Variants in SMAP1 observed in about 807,000 individuals in gnomAD.
SMAP1 encodes small ArfGAP 1, also known as stromal membrane-associated protein 1.
In SMAP1, 24 loss-of-function variants were observed where a neutral mutation model predicts 58.5. The observed-to-expected ratio is 0.41, with a 90% CI of 0.30 to 0.58. SMAP1 has a LOEUF of 0.58. SMAP1 is among the 20% of genes least tolerant of loss of function. The pLI is 0.29. For missense variants in SMAP1, 563 were observed against 566.3 expected (o/e 0.99, Z 0.06); for synonymous variants, 216 against 196.6 (o/e 1.10, Z -0.82).
chr6:70,727,223 C>T (rs1768831752), intron 1 of SMAP1, among the ~76,000 whole-genome samples: 1 of 152,106 alleles, frequency 6.6e-6, no homozygotes, highest in African/African-American at 2.4e-5. Context: ...ATTCTCACAC[C>T]TCAGCCTCCT....
intron 6 of SMAP1, among the ~76,000 whole-genome samples, chr6:70,813,644 A>AT (rs1769485406): frequency 6.6e-6 from 1 of 152,108 alleles, no homozygotes; most frequent in Non-Finnish European, 1.5e-5. Context: ...AGAAGGACGT[A>AT]TATATTGAGC....
At chr6:70,840,665 G>C (rs911654934) in intron 7 of SMAP1, among the ~76,000 whole-genome samples, 10 of 152,194 alleles carry the variant, frequency 6.6e-5, no homozygotes, top group Non-Finnish European at 1.3e-4. Context: ...GTACCTACAA[G>C]AGCTGCCTCA....
chr6:70,748,414 T>C (rs556916654), intron 2 of SMAP1, among the ~76,000 whole-genome samples: 2 of 152,186 alleles, frequency 1.3e-5, no homozygotes, highest in African/African-American at 4.8e-5. Context: ...TAAGAAAGTT[T>C]TAATCATCAG....
At chr6:70,759,556 A>G (rs536546938) in intron 3 of SMAP1, among the ~76,000 whole-genome samples, 1 of 152,206 alleles carries the variant, frequency 6.6e-6, no homozygotes, top group Admixed American at 6.6e-5. Flanking sequence ...TGAGGGCAGG[A>G]CAGTATATAT....
intron 4 of SMAP1, among the ~76,000 whole-genome samples, chr6:70,782,876 A>T (rs1447481691): frequency 6.6e-6 from 1 of 152,212 alleles, no homozygotes; most frequent in African/African-American, 2.4e-5. Context: ...TACAGCTCCC[A>T]GCCTGAGTGA....
intron 1 of SMAP1, among the ~76,000 whole-genome samples, chr6:70,718,555 C>G (rs1015851956): frequency 5.3e-5 from 8 of 152,100 alleles, no homozygotes; most frequent in African/African-American, 1.9e-4. Flanking sequence ...AGCATGGTGG[C>G]TCATACCTAT....
chr6:70,726,059 A>AAAT (rs1768771180), intron 1 of SMAP1, among the ~76,000 whole-genome samples: 2 of 152,304 alleles, frequency 1.3e-5, no homozygotes, highest in South Asian at 4.1e-4. Flanking sequence ...TGCCTCTGTC[A>AAAT]TGGTCTCAGC....
At chr6:70,824,383 G>C (rs1453030872) in intron 6 of SMAP1, among the ~76,000 whole-genome samples, 1 of 152,060 alleles carries the variant, frequency 6.6e-6, no homozygotes. Flanking sequence ...TGTGGGCCCA[G>C]TGCAAAATGA....
chr6:70,824,240 T>G (rs1770017932), intron 6 of SMAP1, among the ~76,000 whole-genome samples: 1 of 152,216 alleles, frequency 6.6e-6, no homozygotes, highest in Non-Finnish European at 1.5e-5. Flanking sequence ...CCCTGCTTGC[T>G]GGACCAGAAG....
chr6:70,680,712 G>GTTTTTT (rs34867967), intron 1 of SMAP1, among the ~76,000 whole-genome samples: 278 of 78,926 alleles, frequency 3.5e-3, no homozygotes, highest in African/African-American at 4.3e-3. Context: ...TGGATTTCCT[G>GTTTTTT]TTTTTTTTTT....
chr6:70,670,276 C>T (rs1766209366), intron 1 of SMAP1, among the ~76,000 whole-genome samples: 1 of 152,068 alleles, frequency 6.6e-6, no homozygotes, highest in Non-Finnish European at 1.5e-5. Context: ...TTTCTTGTTG[C>T]TACTAAATCT....
rs971167937 is a variant in SMAP1 at position 70,737,309 on chromosome 6, AT to A, written c.252+4807del. 4.0e-5 allele frequency among the ~76,000 whole-genome samples: 6 copies of A among 151,238 alleles called. No homozygotes were observed. In the East Asian group the frequency reaches 9.7e-4, roughly 24 times the overall value. On this transcript the variant is annotated intron_variant, in intron 2 of 10. Coordinates refer to ENST00000370455, the MANE Select transcript of SMAP1 (RefSeq NM_001044305.3). ...GGCATGAGCCACCATGCCTGGCTAA[AT>A]TTTTTTTTGTATTTTTAGTAGAGAC...
intron 4 of SMAP1, among the ~76,000 whole-genome samples, chr6:70,782,085 G>GTATGACTA (rs1767787112): frequency 6.6e-6 from 1 of 152,172 alleles, no homozygotes; most frequent in African/African-American, 2.4e-5. Flanking sequence ...GGACATTTAA[G>GTATGACTA]TATGACTACT....
intron 2 of SMAP1, among the ~76,000 whole-genome samples, chr6:70,738,992 C>G (rs1375660811): frequency 6.6e-6 from 1 of 152,076 alleles, no homozygotes. Flanking sequence ...AATAAAATGA[C>G]TTACAGTTGA....
At chr6:70,744,213 G>C (rs902767032) in intron 2 of SMAP1, among the ~76,000 whole-genome samples, 21 of 148,590 alleles carry the variant, frequency 1.4e-4, no homozygotes, top group African/African-American at 5.0e-4. Flanking sequence ...TAGGGTACAT[G>C]TGCACAACAT....
intron 2 of SMAP1, among the ~76,000 whole-genome samples, chr6:70,741,014 T>A (rs1445382958): frequency 6.6e-6 from 1 of 152,092 alleles, no homozygotes; most frequent in Non-Finnish European, 1.5e-5. Context: ...GATTCAATTA[T>A]TTCCCACTGG....
chr6:70,755,578 T>G (rs1054613152), intron 3 of SMAP1, among the ~76,000 whole-genome samples: 2 of 151,984 alleles, frequency 1.3e-5, no homozygotes, highest in Non-Finnish European at 2.9e-5. Context: ...GTAGATTAGG[T>G]GTATTAAATG....
intron 6 of SMAP1, among the ~76,000 whole-genome samples, chr6:70,808,241 T>C (rs1769222951): frequency 1.3e-5 from 2 of 152,180 alleles, no homozygotes; most frequent in Admixed American, 1.3e-4. Flanking sequence ...GTACTTATTA[T>C]GTATTCAGTT....
At chr6:70,797,460 G>C (rs1768651429) in intron 5 of SMAP1, among the ~76,000 whole-genome samples, 1 of 151,936 alleles carries the variant, frequency 6.6e-6, no homozygotes, top group African/African-American at 2.4e-5. Context: ...TCTCCTTAAA[G>C]GTAATTAACA....
Sources: allele counts gnomAD v4.1 joint callset (sites outside exome capture counted in the v4.1 genomes callset), GRCh38; gene constraint gnomAD v4.1.1; transcripts MANE v1.5; gene names NCBI Gene and HGNC (gene_info 2026-07-23, HGNC 2026-07-21).